The following EPB41L3 variants were observed in gnomAD, a reference collection of about 807,000 sequenced individuals.
The protein encoded by EPB41L3 is band 4.1-like protein 3.
EPB41L3 carries 57 observed loss-of-function variants against 127.1 expected under a neutral mutation model. The ratio of observed to expected loss-of-function variants is 0.45; its 90% CI spans 0.36 to 0.56. The LOEUF (loss-of-function observed/expected upper bound fraction) is 0.56. Ranked by LOEUF, EPB41L3 falls within the 20% of genes least tolerant of loss-of-function variation. The probability of loss-of-function intolerance (pLI) is 0.00; values close to 1 mark genes in which losing one functional copy is unlikely to be tolerated. For synonymous variants in EPB41L3, 572 were observed against 549.5 expected (o/e 1.04, Z -0.57); for missense variants, 1,273 against 1,372.2 (o/e 0.93, Z 1.14).
At chr18:5,401,958 C>T (rs1372687106) in intron 16 of EPB41L3, among the ~76,000 whole-genome samples, 10 of 152,026 alleles carry the variant, frequency 6.6e-5, no homozygotes, top group African/African-American at 2.2e-4. Flanking sequence ...TTTTAAAATA[C>T]ATCTTATCAT....
chr18:5,421,231 G>T (rs146348816), intron 11 of EPB41L3, among the ~76,000 whole-genome samples: 1 of 152,194 alleles, frequency 6.6e-6, no homozygotes, highest in East Asian at 1.9e-4. Context: ...CACACTAAAG[G>T]TCATAAGGAA....
intron 3 of EPB41L3, among the ~76,000 whole-genome samples, chr18:5,447,633 G>A (rs1351719923): frequency 6.6e-6 from 1 of 152,048 alleles, no homozygotes; most frequent in African/African-American, 2.4e-5. Context: ...AGAGACCACA[G>A]CCATTTCTCA....
Position 5,397,257 on chromosome 18 carries a change from G to A in EPB41L3, c.2642C>T (p.Ala881Val), listed in dbSNP as rs2073694561. 6.2e-7 allele frequency: 1 copy of A among 1,613,928 alleles called. No individual in the cohort carries two copies. The highest frequency in any genetic ancestry group is 1.1e-5 in the South Asian group (1 of 91,080). Residue 881 changes from alanine to valine, a missense_variant, in exon 18 of 23, where the codon GCA (alanine) becomes GTA (valine). Coordinates refer to ENST00000341928, the MANE Select transcript of EPB41L3 (RefSeq NM_012307.5). The surrounding 1 kb of genome is among the most constrained non-coding windows in gnomAD (Gnocchi z 4.1). ...SYSAGDSGDA[A>V]AQPAFTGIKG... ...AATGCCTGTGAATGCGGGCTGTGCTGCAGCATCCCCGCTGTCTCCCGCCGA... is the reference window on the plus strand; with the variant it reads ...AATGCCTGTGAATGCGGGCTGTGCTACAGCATCCCCGCTGTCTCCCGCCGA...
At chr18:5,430,550 G>A (rs145219493) in intron 8 of EPB41L3, among the ~76,000 whole-genome samples, 9 of 150,778 alleles carry the variant, frequency 6.0e-5, no homozygotes, top group African/African-American at 1.9e-4. Context: ...AGGTTAGTTT[G>A]AGAAATCTTT....
intron 3 of EPB41L3, among the ~76,000 whole-genome samples, chr18:5,473,587 C>T (rs940165067): frequency 7.9e-5 from 12 of 151,746 alleles, no homozygotes; most frequent in Middle Eastern, 3.4e-3. Flanking sequence ...GTACACTAAT[C>T]AGTGAGACTC....
At chr18:5,473,938 G>C (rs1269231740) in intron 3 of EPB41L3, among the ~76,000 whole-genome samples, 3 of 152,062 alleles carry the variant, frequency 2.0e-5, no homozygotes, top group Non-Finnish European at 4.4e-5. Context: ...AAATTAGTGA[G>C]GAAAGTCTCT....
At chr18:5,481,825 G>T (rs147555214) in intron 2 of EPB41L3, among the ~76,000 whole-genome samples, 180 of 152,308 alleles carry the variant, frequency 1.2e-3, no homozygotes, top group Middle Eastern at 3.4e-3. Flanking sequence ...GCTTACGAGA[G>T]CCAAGGTGAT....
At chr18:5,445,592 C>T (rs945938952) in intron 3 of EPB41L3, among the ~76,000 whole-genome samples, 1 of 152,296 alleles carries the variant, frequency 6.6e-6, no homozygotes, top group South Asian at 2.1e-4. Context: ...CATAAAAATT[C>T]TGACAGTGAA....
At chr18:5,420,213 G>T in intron 11 of EPB41L3, 1 of 374,712 alleles carries the variant, frequency 2.7e-6, no homozygotes, top group South Asian at 2.7e-5. Flanking sequence ...GTGAGTGGAG[G>T]GTCATGAGGC....
At chr18:5,541,122 G>T (rs1373069781) in intron 1 of EPB41L3, among the ~76,000 whole-genome samples, 1 of 149,760 alleles carries the variant, frequency 6.7e-6, no homozygotes, top group Non-Finnish European at 1.5e-5. Flanking sequence ...GTGTGGTGGT[G>T]GTCGCCTATA....
chr18:5,463,671 C>T (rs1350309051), intron 3 of EPB41L3: 1 of 152,194 alleles, frequency 6.6e-6, no homozygotes, highest in East Asian at 1.9e-4. Flanking sequence ...TGCACAACCA[C>T]AGGGAAATGA....
chr18:5,564,217 T>G (rs1041754220), intron 3 of EPB41L3, among the ~76,000 whole-genome samples: 2 of 152,172 alleles, frequency 1.3e-5, no homozygotes, highest in African/African-American at 4.8e-5. Flanking sequence ...TATTTAAATA[T>G]AAATGACTAT....
In EPB41L3 at chr18:5,406,893, T is replaced by C; in HGVS notation, c.2233A>G (p.Thr745Ala). Residue 745 changes from threonine (T) to alanine (A), a missense_variant, in exon 16 of 23, where the codon ACC becomes GCC. Thr to Ala is a moderately conservative substitution (Grantham distance 58). This residue lies in a region of EPB41L3 where 765 missense variants were observed against 782.9 expected (regional missense o/e 0.98). Coordinates refer to ENST00000341928, the MANE Select transcript of EPB41L3 (RefSeq NM_012307.5). The stretch of plus-strand genomic sequence containing the variant: ...TTCGTTACGGCAGTGTCTGTTGAGG[T>C]TTCTAAGAAGGTTCTTTTCAGCTCG... The part of the protein sequence containing the change: ...ISELKRTFLE[T>A]STDTAVTNEW... 1 of 1,614,152 alleles carries C rather than the reference T, an allele frequency of 6.2e-7. No individual in the cohort carries two copies. Among genetic ancestry groups the C allele is most frequent in the South Asian group, 1.1e-5 (1 of 91,078 alleles).
intron 11 of EPB41L3, among the ~76,000 whole-genome samples, chr18:5,421,561 G>A (rs1033850119): frequency 6.6e-6 from 1 of 152,106 alleles, no homozygotes; most frequent in African/African-American, 2.4e-5. Flanking sequence ...AACTTCCTAG[G>A]CTAGCTCACA....
chr18:5,485,574 T>TA (rs1244941426), intron 2 of EPB41L3, among the ~76,000 whole-genome samples: 1 of 151,970 alleles, frequency 6.6e-6, no homozygotes, highest in Non-Finnish European at 1.5e-5. Flanking sequence ...ACAGAAGACA[T>TA]AATTTTATAC....
intron 1 of EPB41L3, among the ~76,000 whole-genome samples, chr18:5,497,257 T>C (rs927343326): frequency 6.6e-6 from 1 of 152,114 alleles, no homozygotes. Flanking sequence ...CAGTGGAGCA[T>C]TCTGAGGTGA....
intron 9 of EPB41L3, among the ~76,000 whole-genome samples, chr18:5,425,015 C>T (rs1263472002): frequency 1.3e-5 from 2 of 152,100 alleles, no homozygotes; most frequent in Non-Finnish European, 2.9e-5. Flanking sequence ...TTTGATTTTT[C>T]GAGGTGAAAT....
At chr18:5,506,301 C>T (rs1297047703) in intron 1 of EPB41L3, among the ~76,000 whole-genome samples, 1 of 152,208 alleles carries the variant, frequency 6.6e-6, no homozygotes, top group Non-Finnish European at 1.5e-5. Flanking sequence ...GTAAGCTCCA[C>T]TGTCTGGATA....
At chr18:5,451,123 G>T (rs1236251254) in intron 3 of EPB41L3, among the ~76,000 whole-genome samples, 1 of 152,128 alleles carries the variant, frequency 6.6e-6, no homozygotes, top group East Asian at 1.9e-4. Flanking sequence ...TTATAAAGAG[G>T]TATTTCCTTT....
Sources: allele counts gnomAD v4.1 joint callset (sites outside exome capture counted in the v4.1 genomes callset), GRCh38; gene constraint gnomAD v4.1.1; regional missense constraint gnomAD v4.1.1; non-coding constraint Gnocchi (gnomAD v3.1); transcripts MANE v1.5; gene names NCBI Gene and HGNC (gene_info 2026-07-23, HGNC 2026-07-21).